The following CCDC30 variants were observed in gnomAD, a reference collection of about 807,000 sequenced individuals.
CCDC30 encodes coiled-coil domain-containing protein 30.
In CCDC30, 70 loss-of-function variants were observed where a neutral mutation model predicts 100.2. That is an observed-to-expected ratio of 0.70 (90% CI 0.58 to 0.85). CCDC30 has a LOEUF of 0.85. CCDC30 is among the 40% of genes least tolerant of loss of function. The pLI, the probability that CCDC30 is intolerant of heterozygous loss-of-function variation, is 0.00. For synonymous variants in CCDC30, 233 were observed against 269.5 expected, an observed-to-expected ratio of 0.86 and a Z score of 1.33; for missense variants, 652 against 771.2, an observed-to-expected ratio of 0.85 and a Z score of 1.83.
At chr1:42,631,829 C>G (rs1647043877) in intron 11 of CCDC30, among the ~76,000 whole-genome samples, 1 of 152,126 alleles carries the variant, frequency 6.6e-6, no homozygotes, top group Admixed American at 6.5e-5. Flanking sequence ...TCTCCTAAAT[C>G]AGCTTGTGGT....
intron 6 of CCDC30, among the ~76,000 whole-genome samples, chr1:42,530,883 C>T (rs960586840): frequency 2.0e-5 from 3 of 152,036 alleles, no homozygotes; most frequent in Non-Finnish European, 4.4e-5. Flanking sequence ...GGTTTGGTAC[C>T]ATTGGGAGTT....
At chr1:42,646,656 G>T (rs1024489241) in intron 15 of CCDC30, among the ~76,000 whole-genome samples, 1 of 152,186 alleles carries the variant, frequency 6.6e-6, no homozygotes, top group African/African-American at 2.4e-5. Context: ...GGTCTCCTGG[G>T]CATGAGCCCC....
intron 11 of CCDC30, among the ~76,000 whole-genome samples, chr1:42,613,868 A>G (rs1429203973): frequency 2.6e-5 from 4 of 152,106 alleles, no homozygotes; most frequent in Admixed American, 1.3e-4. Flanking sequence ...CCTGTGATTA[A>G]GAATGCCTAA....
At chr1:42,583,918 T>C (rs916238721) in intron 9 of CCDC30, among the ~76,000 whole-genome samples, 15 of 152,120 alleles carry the variant, frequency 9.9e-5, no homozygotes, top group African/African-American at 2.4e-4. Context: ...CTAACCTTGA[T>C]AAAGTGTAGG....
At chr1:42,459,745 A>AT, upstream of CCDC30, 1 of 1,614,250 alleles carries the variant, frequency 6.2e-7, no homozygotes, top group Non-Finnish European at 8.5e-7. Context: ...ATTTATCAGC[A>AT]TCAAGTGGTG....
intron 6 of CCDC30, among the ~76,000 whole-genome samples, chr1:42,553,392 A>ATATAATGTTCGTTTTATG (rs1553193947): frequency 6.6e-6 from 1 of 151,936 alleles, no homozygotes; most frequent in Admixed American, 6.6e-5. Context: ...TTTGTTTTAT[A>ATATAATGTTCGTTTTATG]TATAATGTTC....
At chr1:42,461,010 G>A (rs1287679490), upstream of CCDC30, among the ~76,000 whole-genome samples, 3 of 152,180 alleles carry the variant, frequency 2.0e-5, no homozygotes, top group Non-Finnish European at 4.4e-5. Context: ...GGTTTGGAGT[G>A]CACAAGTAGC....
chr1:42,513,079 G>T (rs915300812), intron 6 of CCDC30, among the ~76,000 whole-genome samples: 5 of 152,134 alleles, frequency 3.3e-5, no homozygotes, highest in Non-Finnish European at 4.4e-5. Flanking sequence ...TCTGATCCTG[G>T]ACAAGCCACC....
chr1:42,611,159 AGGGCTAAATGGT>A, intron 11 of CCDC30, 69 bp downstream of exon 15: 3 of 899,928 alleles, frequency 3.3e-6, no homozygotes, highest in Middle Eastern at 2.2e-4. Context: ...AGCAGGCTCT[AGGGCTAAATGGT>A]GGGCTGCTCA....
chr1:42,597,780 A>G (rs1372619221), intron 10 of CCDC30, among the ~76,000 whole-genome samples: 1 of 152,000 alleles, frequency 6.6e-6, no homozygotes, highest in African/African-American at 2.4e-5. Flanking sequence ...GAGGAGGATC[A>G]CTTGAGCCCA....
chr1:42,466,561 T>G (rs1396885578), intron 1 of CCDC30, among the ~76,000 whole-genome samples: 2 of 151,900 alleles, frequency 1.3e-5, no homozygotes, highest in Non-Finnish European at 1.5e-5. Context: ...TGTTTTGTTT[T>G]TTTTTTTTGA....
intron 6 of CCDC30, among the ~76,000 whole-genome samples, chr1:42,499,780 C>CT (rs113815487): frequency 0.39 from 57,468 of 147,706 alleles, 11,303 homozygotes; most frequent in East Asian, 0.58. Context: ...GGCTTGTATT[C>CT]TTTTTTTTTT....
intron 9 of CCDC30, among the ~76,000 whole-genome samples, chr1:42,582,129 C>A (rs1262220739): frequency 6.6e-6 from 1 of 151,068 alleles, no homozygotes; most frequent in African/African-American, 2.4e-5. Flanking sequence ...ACTCAGGAGG[C>A]TGAGGTAGGA....
chr1:42,579,654 A>G (rs897772957), intron 8 of CCDC30, among the ~76,000 whole-genome samples: 1 of 150,562 alleles, frequency 6.6e-6, no homozygotes, highest in African/African-American at 2.5e-5. Flanking sequence ...GAGAGAGAGA[A>G]AGAGAGAGAG....
rs113056052 is a variant in CCDC30, at chr1:42,475,420, A to G, written c.-91-5041A>G. 5.9e-3 allele frequency among the ~76,000 whole-genome samples: 896 copies of G among 152,214 alleles called. 6 individuals carry two copies. The highest frequency in any genetic ancestry group is 0.02 in the African/African-American group (833 of 41,548). On this transcript the variant is annotated intron_variant, in intron 1 of 16. Transcript: ENST00000668663. ...ACAGAGGGAAGAGAAGCATTTTTTC[A>G]TGGTTATGATGAAAAGGAAAATGAA...
At chr1:42,550,166 A>C (rs1645220794) in intron 6 of CCDC30, among the ~76,000 whole-genome samples, 1 of 152,106 alleles carries the variant, frequency 6.6e-6, no homozygotes, top group Non-Finnish European at 1.5e-5. Flanking sequence ...CCACCAACAC[A>C]TCCTGTCACT....
At position 42,546,273 on chromosome 1, in the gene CCDC30, T is replaced by G. The variant is rs191323336; in HGVS notation, c.457-20023T>G. 3.8e-3 allele frequency among the ~76,000 whole-genome samples: 566 copies of G among 149,950 alleles called. 7 individuals carry two copies. Among genetic ancestry groups the G allele is most frequent in the African/African-American group, 0.013 (524 of 40,880 alleles). On this transcript the variant is annotated intron_variant, in intron 6 of 16. Coordinates refer to ENST00000668663, the Ensembl canonical transcript of CCDC30. ...GGTGGTGCATGACTGTAATCCCAGC[T>G]ACTCGGGAGGCTGAGGCAGGAGAAT...
Position 42,642,588 on chromosome 1 carries a change from C to T in CCDC30, c.1535C>T (p.Thr512Met), listed in dbSNP as rs748929289. The change falls in exon 13 of 17, where the codon ACG (threonine) becomes ATG (methionine). Residue 512 changes from threonine to methionine, a missense_variant. Physicochemically the swap from Thr to Met is moderately conservative, Grantham distance 81. Coordinates refer to ENST00000668663, the Ensembl canonical transcript of CCDC30. ...CAGTTGATCCACAGCAACAAATGGACGATATCTTCCATCCAGAGCAGGTAG... is the reference window on the plus strand; with the variant it reads ...CAGTTGATCCACAGCAACAAATGGATGATATCTTCCATCCAGAGCAGGTAG... 46 of 1,597,848 alleles carry T rather than the reference C, an allele frequency of 2.9e-5. No homozygotes were observed. In the Admixed American group the frequency reaches 5.2e-4, roughly 18 times the overall value.
At position 42,495,639 on chromosome 1, in the gene CCDC30, G is replaced by C. The variant is rs182979082; in HGVS notation, c.242-1459G>C. On this transcript the variant is annotated intron_variant, in intron 4 of 16. Coordinates refer to ENST00000668663, the Ensembl canonical transcript of CCDC30. Reference sequence around the variant, plus strand: ...GAACCCAGGAGGCAGAGGCTGCAGTGAGATTGCACCACTGCACTCCAGCCT... The same window carrying C: ...GAACCCAGGAGGCAGAGGCTGCAGTCAGATTGCACCACTGCACTCCAGCCT... Among the ~76,000 whole-genome samples the C allele has an allele frequency of 3.1e-3, 465 of 152,040 alleles. 7 individuals carry two copies. The highest frequency in any genetic ancestry group is 0.011 in the African/African-American group (441 of 41,474).
Sources: gnomAD v4.1 joint callset for allele counts (sites outside exome capture counted in the v4.1 genomes callset) on GRCh38, gnomAD v4.1.1 for gene constraint, MANE v1.5 for transcripts, NCBI Gene and HGNC (gene_info 2026-07-23, HGNC 2026-07-21) for gene names.